The following CSTPP1 variants were observed in gnomAD, a reference collection of about 807,000 sequenced individuals.
The protein encoded by CSTPP1 is UPF0705 protein C11orf49.
the CSTPP1 span, among the ~76,000 whole-genome samples, chr11:46,983,842 G>C: frequency 2.0e-5 from 3 of 152,302 alleles, 1 homozygote; most frequent in South Asian, 6.2e-4. Flanking sequence ...CTTCGCACTT[G>C]GCTGTTGGCT....
the CSTPP1 span, among the ~76,000 whole-genome samples, chr11:46,983,985 C>T: frequency 6.6e-6 from 1 of 152,154 alleles, no homozygotes; most frequent in Non-Finnish European, 1.5e-5. Flanking sequence ...TTTCAAGAAA[C>T]TTTCAAATTT....
At chr11:47,075,366 G>A in the CSTPP1 span, among the ~76,000 whole-genome samples, 1 of 151,902 alleles carries the variant, frequency 6.6e-6, no homozygotes, top group African/African-American at 2.4e-5. Flanking sequence ...GCAAGACCTT[G>A]CCTCAAAAAA....
chr11:46,949,419 A>G, the CSTPP1 span, among the ~76,000 whole-genome samples: 1 of 152,190 alleles, frequency 6.6e-6, no homozygotes, highest in African/African-American at 2.4e-5. Flanking sequence ...GATAGGCTAA[A>G]TCTTCAGGGA....
chr11:47,141,686 C>T, the CSTPP1 span, among the ~76,000 whole-genome samples: 2 of 151,736 alleles, frequency 1.3e-5, no homozygotes. Flanking sequence ...GTAATCCCAG[C>T]ACTTTGGAAG....
the CSTPP1 span, among the ~76,000 whole-genome samples, chr11:47,054,721 A>G: frequency 6.6e-6 from 1 of 152,194 alleles, no homozygotes; most frequent in South Asian, 2.1e-4. Flanking sequence ...GAAGTCTGGT[A>G]GTAGTTGAGT....
chr11:46,975,924 A>C, the CSTPP1 span, among the ~76,000 whole-genome samples: 1 of 152,208 alleles, frequency 6.6e-6, no homozygotes, highest in Admixed American at 6.5e-5. Context: ...GGGAGGACTT[A>C]AGTGATTTTA....
At chr11:47,004,561 A>G in the CSTPP1 span, 1 of 152,186 alleles carries the variant, frequency 6.6e-6, no homozygotes, top group African/African-American at 2.4e-5. Context: ...GATTGCCTGC[A>G]TGACTCTTAA....
chr11:47,079,130 G>C, the CSTPP1 span, among the ~76,000 whole-genome samples: 1 of 152,124 alleles, frequency 6.6e-6, no homozygotes, highest in East Asian at 1.9e-4. Flanking sequence ...TTCAATCTAG[G>C]TCATTCGGAG....
the CSTPP1 span, among the ~76,000 whole-genome samples, chr11:47,097,635 G>T: frequency 9.6e-6 from 1 of 104,396 alleles, no homozygotes; most frequent in East Asian, 2.8e-4. Flanking sequence ...GGAGGTGGGG[G>T]GGTCGGCCCC....
the CSTPP1 span, among the ~76,000 whole-genome samples, chr11:47,065,609 T>A: frequency 1.0e-3 from 158 of 152,310 alleles, no homozygotes; most frequent in Non-Finnish European, 1.8e-3. Flanking sequence ...TTTTCAAGTA[T>A]ACAAGTCTGT....
the CSTPP1 span, among the ~76,000 whole-genome samples, chr11:47,110,355 C>A: frequency 3.3e-5 from 5 of 152,112 alleles, no homozygotes; most frequent in African/African-American, 1.2e-4. Flanking sequence ...AGCAAATATC[C>A]ATGGTTACTA....
chr11:47,058,779 T>C, the CSTPP1 span, among the ~76,000 whole-genome samples: 1 of 152,186 alleles, frequency 6.6e-6, no homozygotes, highest in Admixed American at 6.5e-5. Flanking sequence ...AAAAAGCCAA[T>C]GCCAGGAGAA....
chr11:47,035,687 T>A, the CSTPP1 span, among the ~76,000 whole-genome samples: 2 of 152,190 alleles, frequency 1.3e-5, no homozygotes, highest in South Asian at 2.1e-4. Context: ...TAACTTTTTA[T>A]AACAGATTTG....
the CSTPP1 span, among the ~76,000 whole-genome samples, chr11:47,108,704 C>CTTTT: frequency 5.1e-5 from 6 of 118,356 alleles, no homozygotes; most frequent in Admixed American, 9.9e-5. Flanking sequence ...GTACTATCTA[C>CTTTT]TTTTTTTTTT....
At chr11:47,038,400 G>A in the CSTPP1 span, among the ~76,000 whole-genome samples, 4 of 95,602 alleles carry the variant, frequency 4.2e-5, 1 homozygote, top group East Asian at 8.3e-4. Flanking sequence ...CAGTAGGGGC[G>A]GCCGGGCAGA....
chr11:46,953,016 A>G, the CSTPP1 span, among the ~76,000 whole-genome samples: 1 of 152,148 alleles, frequency 6.6e-6, no homozygotes, highest in East Asian at 1.9e-4. Context: ...GAGATTTAGG[A>G]GGAGAGTGAG....
the CSTPP1 span, among the ~76,000 whole-genome samples, chr11:47,073,610 G>A: frequency 1.1e-4 from 16 of 152,238 alleles, no homozygotes; most frequent in African/African-American, 3.9e-4. Context: ...AATTGAATAG[G>A]AGGGAGAGAA....
the CSTPP1 span, among the ~76,000 whole-genome samples, chr11:46,950,623 T>C: frequency 6.6e-6 from 1 of 152,002 alleles, no homozygotes; most frequent in African/African-American, 2.4e-5. Flanking sequence ...TCCTTTTTTC[T>C]TTTTTTGAGG....
the CSTPP1 span, among the ~76,000 whole-genome samples, chr11:47,100,922 CCTT>C: frequency 6.6e-6 from 1 of 151,832 alleles, no homozygotes; most frequent in Non-Finnish European, 1.5e-5. Flanking sequence ...TAGGTGCAGA[CCTT>C]CTTGACAGCA....
Sources: gnomAD v4.1 joint callset for allele counts (sites outside exome capture counted in the v4.1 genomes callset) on GRCh38, gnomAD v4.1.1 for gene constraint, MANE v1.5 for transcripts, NCBI Gene and HGNC (gene_info 2026-07-23, HGNC 2026-07-21) for gene names.